IL6R: variants seen among roughly 807,000 people sequenced by gnomAD.
The protein encoded by IL6R is interleukin 6 receptor, also known as interleukin-6 receptor subunit alpha.
IL6R carries 38 observed loss-of-function variants against 48.3 expected under a neutral mutation model. That is an observed-to-expected ratio of 0.79 (90% CI 0.61 to 1.03). The LOEUF (loss-of-function observed/expected upper bound fraction) is 1.03, where lower values mean the gene tolerates loss of function less well. Ranked by LOEUF, IL6R falls within the 50% of genes least tolerant of loss-of-function variation. The pLI, the probability that IL6R is intolerant of heterozygous loss-of-function variation, is 0.00. For synonymous variants in IL6R, 264 were observed against 256.2 expected (o/e 1.03, Z -0.29); for missense variants, 534 against 618.3 (o/e 0.86, Z 1.45).
chr1:154,434,705 G>C lies in IL6R; in HGVS notation c.640+5G>C, dbSNP rs771384161. 6.2e-7 allele frequency: 1 copy of C among 1,612,668 alleles called. No homozygotes were observed. The highest frequency in any genetic ancestry group is 8.5e-7 in the Non-Finnish European group (1 of 1,179,072). ...CCTTTCAGGGTTGTGGAATCTGTAC[G>C]TAAGCTCTAACCCCCTCTCCAGCAG... On this transcript the variant is annotated splice_donor_5th_base_variant and intron_variant, in intron 4 of 9. Coordinates refer to ENST00000368485, the MANE Select transcript of IL6R (RefSeq NM_000565.4).
At position 154,434,596 on chromosome 1, in the gene IL6R, C is replaced by T; in HGVS notation, c.536C>T (p.Ala179Val). 6.2e-7 allele frequency: 1 copy of T among 1,614,082 alleles called. No homozygotes were observed. The highest frequency in any genetic ancestry group is 8.5e-7 in the Non-Finnish European group (1 of 1,179,964). ...TCCCAGAAGTTCTCCTGCCAGTTAG[C>T]AGTCCCGGAGGGAGACAGCTCTTTC... ...QESQKFSCQL[A>V]VPEGDSSFYI... Residue 179 changes from alanine to valine, a missense_variant, in exon 4 of 10, where the codon GCA becomes GTA. By Grantham distance (64) the Ala-to-Val change is moderately conservative (BLOSUM62 0). Coordinates refer to ENST00000368485, the MANE Select transcript of IL6R (RefSeq NM_000565.4).
chr1:154,427,514 C>T (rs902931213), intron 1 of IL6R, among the ~76,000 whole-genome samples: 5 of 152,198 alleles, frequency 3.3e-5, no homozygotes, highest in East Asian at 1.9e-4. Context: ...CTTAGATGAC[C>T]GGCTGCCATG....
At chr1:154,444,441 A>C (rs967022960) in intron 6 of IL6R, among the ~76,000 whole-genome samples, 2 of 152,164 alleles carry the variant, frequency 1.3e-5, no homozygotes, top group African/African-American at 2.4e-5. Context: ...TCTTGACCTC[A>C]GGTGATCCAC....
chr1:154,417,797 G>A (rs1688438776), intron 1 of IL6R, among the ~76,000 whole-genome samples: 1 of 147,606 alleles, frequency 6.8e-6, no homozygotes, highest in South Asian at 2.1e-4. Flanking sequence ...CTGGAGTGCA[G>A]TGGCATGATC....
In IL6R at chr1:154,448,000, C is replaced by T. The variant is rs528906320; in HGVS notation, c.950-125C>T. 118 of 761,960 alleles carry T rather than the reference C, an allele frequency of 1.5e-4. 2 individuals are homozygous for T. Among genetic ancestry groups the T allele is most frequent in the Admixed American group, 1.4e-3 (65 of 47,626 alleles). 47.2% of individuals were successfully genotyped at this position (761,960 alleles called of 1,614,324 possible). A position where few individuals can be genotyped will look rare whatever the true frequency, so the allele number is the denominator to read the frequency against. ...CTGGGATGACAGACGTGAGCCACCG[C>T]GCCCAGCCCATGCTGTTCTTTTAAA... On this transcript the variant is annotated intron_variant, in intron 6 of 9. Transcript: ENST00000368485.
At chr1:154,456,126 A>C (rs561451196) in intron 9 of IL6R, among the ~76,000 whole-genome samples, 1 of 152,118 alleles carries the variant, frequency 6.6e-6, no homozygotes, top group East Asian at 1.9e-4. Context: ...AAATGGATGC[A>C]GTAGCCCAGG....
chr1:154,437,674 A>C (rs1689709768), intron 6 of IL6R: 1 of 233,844 alleles, frequency 4.3e-6, no homozygotes, highest in Admixed American at 4.5e-5. Flanking sequence ...AGACTCCCAA[A>C]GTGCTGGGAT....
chr1:154,455,417 TTTTTTCTTTTTC>T (rs200867955), intron 9 of IL6R, among the ~76,000 whole-genome samples: 1 of 151,330 alleles, frequency 6.6e-6, no homozygotes, highest in South Asian at 2.1e-4. Flanking sequence ...CTGTTGGAGT[TTTTTTCTTTTTC>T]TTTTTCTTTC....
chr1:154,407,650 G>C (rs1039948804), intron 1 of IL6R, among the ~76,000 whole-genome samples: 4 of 152,228 alleles, frequency 2.6e-5, no homozygotes, highest in Non-Finnish European at 4.4e-5. Flanking sequence ...GAGGAGCAGA[G>C]GGGGAGCAGA....
intron 3 of IL6R, among the ~76,000 whole-genome samples, chr1:154,432,637 C>T (rs907507426): frequency 2.6e-5 from 4 of 152,158 alleles, no homozygotes; most frequent in Non-Finnish European, 4.4e-5. Flanking sequence ...GGATTACAGG[C>T]GTGAGCCACC....
At chr1:154,408,653 G>T (rs544389732) in intron 1 of IL6R, among the ~76,000 whole-genome samples, 3 of 152,162 alleles carry the variant, frequency 2.0e-5, no homozygotes, top group Admixed American at 2.0e-4. Flanking sequence ...CCCCTCACTG[G>T]GTATTTGTAG....
intron 4 of IL6R, 55 bp downstream of exon 4, chr1:154,434,755 T>G: frequency 6.5e-7 from 1 of 1,527,856 alleles, no homozygotes; most frequent in African/African-American, 1.4e-5. Flanking sequence ...GATTTAATAC[T>G]CCTTATCGAC....
In IL6R at chr1:154,447,474, T is replaced by TAC. The variant is rs1195596480; in HGVS notation, c.950-650_950-649insCA. 4.3e-3 allele frequency among the ~76,000 whole-genome samples: 375 copies of TAC among 87,178 alleles called. 14 individuals are homozygous for TAC. The highest frequency in any genetic ancestry group is 6.1e-3 in the Non-Finnish European group (275 of 45,034). 57.2% of individuals were successfully genotyped at this position (87,178 alleles called of 152,430 possible). On this transcript the variant is annotated intron_variant, in intron 6 of 9. Coordinates refer to ENST00000368485, the MANE Select transcript of IL6R (RefSeq NM_000565.4). ...AAAAAAATATATATATATATATATA[T>TAC]ATACACACACACACACACACACACA...
chr1:154,438,473 T>C (rs1213544615), intron 6 of IL6R, among the ~76,000 whole-genome samples: 2 of 152,100 alleles, frequency 1.3e-5, no homozygotes, highest in Admixed American at 1.3e-4. Context: ...TGTGGCGTAG[T>C]TGAACCAAAT....
intron 9 of IL6R, among the ~76,000 whole-genome samples, chr1:154,458,191 C>T (rs950334171): frequency 3.3e-5 from 5 of 151,940 alleles, no homozygotes; most frequent in Admixed American, 6.6e-5. Flanking sequence ...AGGATGGTTT[C>T]GATCTCCTGA....
intron 6 of IL6R, among the ~76,000 whole-genome samples, chr1:154,443,076 G>A (rs1003506677): frequency 3.9e-5 from 6 of 152,174 alleles, no homozygotes; most frequent in Non-Finnish European, 7.3e-5. Context: ...CAAAGAGGGC[G>A]TGGGGCAAAA....
chr1:154,461,734 G>A (rs1691274650), intron 9 of IL6R, among the ~76,000 whole-genome samples: 1 of 151,968 alleles, frequency 6.6e-6, no homozygotes, highest in African/African-American at 2.4e-5. Flanking sequence ...TCTTGCCTCG[G>A]CACCTAGGTA....
At chr1:154,417,535 C>G (rs1688421826) in intron 1 of IL6R, among the ~76,000 whole-genome samples, 1 of 152,066 alleles carries the variant, frequency 6.6e-6, no homozygotes. Flanking sequence ...CTATCTGCTC[C>G]TGGGGTTAGG....
rs1057499061 is a variant in IL6R at position 154,405,617 on chromosome 1, C to G, written c.-13C>G. 2.0e-6 allele frequency: 3 copies of G among 1,489,212 alleles called. No homozygotes were observed. The East Asian group carries it at 8.2e-5, about 41-fold the overall frequency. The allele number at this position is 1,489,212 out of a possible 1,614,324, so 92.2% of individuals were successfully genotyped here. ...CCTCTGCGGGACCATGGAGTGGTAG[C>G]CGAGGAGGAAGCATGCTGGCCGTCG... On this transcript the variant is annotated 5_prime_UTR_variant, in exon 1 of 10. Transcript: ENST00000368485. The surrounding 1 kb of genome is among the most constrained non-coding windows in gnomAD (Gnocchi z 5.2).
Sources: allele counts gnomAD v4.1 joint callset (sites outside exome capture counted in the v4.1 genomes callset), GRCh38; gene constraint gnomAD v4.1.1; non-coding constraint Gnocchi (gnomAD v3.1); transcripts MANE v1.5; gene names NCBI Gene and HGNC (gene_info 2026-07-23, HGNC 2026-07-21).